The following FLT1 variants were observed in gnomAD, a reference collection of about 807,000 sequenced individuals.
FLT1 encodes the protein vascular endothelial growth factor receptor 1.
In FLT1, 49 loss-of-function variants were observed where a neutral mutation model predicts 156.3. The ratio of observed to expected loss-of-function variants is 0.31; its 90% confidence interval spans 0.25 to 0.40. The LOEUF is 0.40. Ranked by LOEUF, FLT1 falls within the 10% of genes least tolerant of loss-of-function variation. The pLI is 1.00. For synonymous variants in FLT1, 594 were observed against 583.8 expected (o/e 1.02, Z -0.25); for missense variants, 1,322 against 1,637.2 (o/e 0.81, Z 3.32).
At chr13:28,367,279 G>C (rs543857876) in intron 14 of FLT1, among the ~76,000 whole-genome samples, 1 of 152,186 alleles carries the variant, frequency 6.6e-6, no homozygotes, top group Non-Finnish European at 1.5e-5. Flanking sequence ...GCCCCAAAAG[G>C]ACAAGTAAAA....
In FLT1 at chr13:28,378,732, C is replaced by T. The variant is rs185783515; in HGVS notation, c.2116+6153G>A. ...AGTTCTAAAGCAGCAGCAGAAACCT[C>T]GCAGGTGCTTGTTAAGTAAAACAGA... On this transcript the variant is annotated intron_variant, in intron 14 of 29. Coordinates refer to ENST00000282397, the MANE Select transcript of FLT1 (RefSeq NM_002019.4). 2.4e-4 allele frequency among the ~76,000 whole-genome samples: 36 copies of T among 152,292 alleles called. No homozygotes were observed. In the Middle Eastern group the frequency reaches 0.014, roughly 58 times the overall value.
At chr13:28,415,091 T>A (rs754093660) in intron 10 of FLT1, among the ~76,000 whole-genome samples, 44 of 152,218 alleles carry the variant, frequency 2.9e-4, no homozygotes, top group Non-Finnish European at 2.6e-4. Context: ...CAAAGCAGTG[T>A]CATCCAGTCT....
intron 29 of FLT1, among the ~76,000 whole-genome samples, chr13:28,304,664 C>T (rs1870663358): frequency 6.6e-6 from 1 of 152,180 alleles, no homozygotes; most frequent in Admixed American, 6.5e-5. Flanking sequence ...TCCCCCAAAA[C>T]GCACACCTGT....
chr13:28,442,943 C>T (rs1046719125), intron 3 of FLT1, among the ~76,000 whole-genome samples: 1 of 152,198 alleles, frequency 6.6e-6, no homozygotes, highest in Non-Finnish European at 1.5e-5. Flanking sequence ...GTCTTTGTCA[C>T]AAAATTAAAA....
At chr13:28,396,583 A>G (rs1875059088) in intron 12 of FLT1, among the ~76,000 whole-genome samples, 1 of 152,232 alleles carries the variant, frequency 6.6e-6, no homozygotes, top group Non-Finnish European at 1.5e-5. Context: ...AAACAAAAAC[A>G]AAACCAAAAA....
rs60789777 is a variant in FLT1 at position 28,444,139 on chromosome 13, C to G, written c.389-5794G>C. 3.3e-3 allele frequency among the ~76,000 whole-genome samples: 505 copies of G among 152,216 alleles called. 1 individual carries two copies. Among genetic ancestry groups the G allele is most frequent in the African/African-American group, 0.011 (474 of 41,542 alleles). On this transcript the variant is annotated intron_variant, in intron 3 of 29. Transcript: ENST00000282397. ...ATAACAGGTGAAGATTTCAATACCCCACTTTCAATAGTAGATAGTGGGCTA... is the reference window on the plus strand; with the variant it reads ...ATAACAGGTGAAGATTTCAATACCCGACTTTCAATAGTAGATAGTGGGCTA...
intron 15 of FLT1, among the ~76,000 whole-genome samples, chr13:28,349,399 CAGTG>C (rs1047117820): frequency 6.6e-6 from 1 of 150,516 alleles, no homozygotes; most frequent in African/African-American, 2.4e-5. Context: ...TCCACAGTGA[CAGTG>C]AGGTTTAATG....
chr13:28,494,013 C>G (rs57710852), intron 1 of FLT1, among the ~76,000 whole-genome samples: 15,497 of 152,314 alleles, frequency 0.1, 1,050 homozygotes, highest in Admixed American at 0.2. Flanking sequence ...CACTGATGTC[C>G]GCGACACGGA....
At chr13:28,335,446 A>G (rs1207837160) in intron 17 of FLT1, among the ~76,000 whole-genome samples, 1 of 152,084 alleles carries the variant, frequency 6.6e-6, no homozygotes, top group Non-Finnish European at 1.5e-5. Flanking sequence ...GGGCATTTTT[A>G]AAAAATTTTC....
chr13:28,430,992 G>A (rs1877644414), intron 7 of FLT1, 144 bp downstream of exon 7: 4 of 730,842 alleles, frequency 5.5e-6, no homozygotes, highest in Non-Finnish European at 7.3e-6. Flanking sequence ...TTTTTGACAG[G>A]GGGAGGAGGG....
intron 3 of FLT1, among the ~76,000 whole-genome samples, chr13:28,464,151 T>G (rs999083511): frequency 2.2e-4 from 33 of 152,220 alleles, no homozygotes; most frequent in Non-Finnish European, 2.9e-5. Flanking sequence ...CAAGCTCATA[T>G]AATATTCGTA....
chr13:28,360,220 C>G (rs367601731), intron 14 of FLT1, among the ~76,000 whole-genome samples: 2 of 152,126 alleles, frequency 1.3e-5, no homozygotes, highest in East Asian at 3.8e-4. Flanking sequence ...AGAAGGGAAC[C>G]CTTATACACG....
Position 28,449,288 on chromosome 13 carries a change from C to G in FLT1, c.389-10943G>C, listed in dbSNP as rs1415618337. ...CCTGTCTCTAAGAAAAAAAAATGTC[C>G]TTCAGTTCCTTGTTGGCAGTCCCTG... On this transcript the variant is annotated intron_variant, in intron 3 of 29. Coordinates refer to ENST00000282397, the MANE Select transcript of FLT1 (RefSeq NM_002019.4). 6.6e-5 allele frequency among the ~76,000 whole-genome samples: 10 copies of G among 152,244 alleles called. No homozygotes were observed. In the East Asian group the frequency reaches 1.9e-3, roughly 29 times the overall value.
chr13:28,406,178 A>T (rs1234355839), intron 10 of FLT1, among the ~76,000 whole-genome samples: 1 of 152,244 alleles, frequency 6.6e-6, no homozygotes, highest in East Asian at 1.9e-4. Context: ...AAAATTTAGT[A>T]TCTAGATTTT....
intron 18 of FLT1, 51 bp from the exon 19 acceptor site, chr13:28,329,779 C>G: frequency 6.9e-7 from 1 of 1,458,928 alleles, no homozygotes; most frequent in South Asian, 1.2e-5. Flanking sequence ...GGGGCTCCTT[C>G]CGCCGGAGGC....
At chr13:28,434,591 C>G (rs1027761693) in intron 4 of FLT1, among the ~76,000 whole-genome samples, 1 of 152,152 alleles carries the variant, frequency 6.6e-6, no homozygotes, top group African/African-American at 2.4e-5. Flanking sequence ...AATAGACAAA[C>G]CAATTAAGAG....
At chr13:28,337,549 A>C (rs1872168545) in intron 17 of FLT1, among the ~76,000 whole-genome samples, 1 of 152,248 alleles carries the variant, frequency 6.6e-6, no homozygotes, top group Non-Finnish European at 1.5e-5. Flanking sequence ...CTCTGTATTG[A>C]AAGACAAAGT....
intron 23 of FLT1, 64 bp downstream of exon 23, chr13:28,321,399 A>T (rs1871454848): frequency 6.3e-7 from 1 of 1,579,992 alleles, no homozygotes; most frequent in East Asian, 2.2e-5. Flanking sequence ...GTAAATATTT[A>T]CCAAGTCTGT....
In FLT1 at chr13:28,339,232, C is replaced by T. The variant is rs370068751; in HGVS notation, c.2424G>A (p.Glu808=). ...IMDPDEVPLD[E]QCERLPYDAS... Reference sequence around the variant, plus strand: ...CATCATAAGGGAGCCGCTCACACTGCTCATCCAAAGGAACTTCATCTGGGT... The same window carrying T: ...CATCATAAGGGAGCCGCTCACACTGTTCATCCAAAGGAACTTCATCTGGGT... Residue 808 remains glutamate, a synonymous_variant, in exon 17 of 30, where the codon GAG becomes GAA. Transcript: ENST00000282397. 9.9e-6 allele frequency: 16 copies of T among 1,614,042 alleles called. No homozygotes were observed. In the African/African-American group the frequency reaches 1.9e-4, roughly 19 times the overall value.
Sources: gnomAD v4.1 joint callset for allele counts (sites outside exome capture counted in the v4.1 genomes callset) on GRCh38, gnomAD v4.1.1 for gene constraint, MANE v1.5 for transcripts, NCBI Gene and HGNC (gene_info 2026-07-23, HGNC 2026-07-21) for gene names.